The following LMO7 variants were observed in gnomAD, a reference collection of about 807,000 sequenced individuals.
LMO7 encodes the protein LIM domain only protein 7.
LMO7 carries 120 observed loss-of-function variants against 206.5 expected under a neutral mutation model. The ratio of observed to expected loss-of-function variants is 0.58; its 90% CI spans 0.50 to 0.68. The LOEUF is 0.68. LMO7 is among the 30% of genes least tolerant of loss of function. LMO7 has a pLI of 0.00. For synonymous variants in LMO7, 706 were observed against 681.5 expected (o/e 1.04, Z -0.56); for missense variants, 1,959 against 1,957.9 (o/e 1.00, Z -0.01).
At chr13:75,812,955 A>G (rs754058451) in intron 11 of LMO7, among the ~76,000 whole-genome samples, 28 of 152,230 alleles carry the variant, frequency 1.8e-4, no homozygotes, top group Non-Finnish European at 2.9e-4. Context: ...TCCTGATGCT[A>G]TCTTTGGTAC....
intron 7 of LMO7, 141 bp from the exon 8 acceptor site, chr13:75,804,148 G>A (rs2055138034): frequency 1.2e-6 from 1 of 854,768 alleles, no homozygotes; most frequent in Non-Finnish European, 1.8e-6. Context: ...ACAACTTCGT[G>A]ACAAATTTCT....
intron 11 of LMO7, 30 bp from the exon 12 acceptor site, chr13:75,817,131 C>A (rs757300295): frequency 6.6e-7 from 1 of 1,522,056 alleles, no homozygotes; most frequent in Non-Finnish European, 9.1e-7. Flanking sequence ...ATGTGAACTT[C>A]CGTAGTAACC....
chr13:75,686,574 G>C (rs1251322868), intron 1 of LMO7, among the ~76,000 whole-genome samples: 1 of 147,076 alleles, frequency 6.8e-6, no homozygotes, highest in African/African-American at 2.5e-5. Flanking sequence ...AAATATATTG[G>C]AGTTGGCTTT....
intron 1 of LMO7, among the ~76,000 whole-genome samples, chr13:75,652,534 G>A (rs115791471): frequency 6.5e-4 from 98 of 151,896 alleles, no homozygotes; most frequent in African/African-American, 2.2e-3. Flanking sequence ...GTGGGTTATT[G>A]ACTTAAATTC....
At chr13:75,741,285 C>T (rs947191229) in intron 3 of LMO7, among the ~76,000 whole-genome samples, 6 of 152,080 alleles carry the variant, frequency 3.9e-5, no homozygotes, top group East Asian at 1.9e-4. Context: ...ATAACAAAAA[C>T]GGAGTATTTT....
chr13:75,815,333 T>A (rs1206881643), intron 11 of LMO7, among the ~76,000 whole-genome samples: 2 of 152,038 alleles, frequency 1.3e-5, no homozygotes, highest in African/African-American at 4.8e-5. Flanking sequence ...CTAGATATAT[T>A]TAGAAGGCAG....
chr13:75,822,707 C>T (rs1332464237), intron 14 of LMO7, among the ~76,000 whole-genome samples: 1 of 146,278 alleles, frequency 6.8e-6, no homozygotes, highest in Non-Finnish European at 1.5e-5. Context: ...TGCTGAGAAA[C>T]AGATGTTCCT....
chr13:75,731,116 G>T (rs1033081351), intron 3 of LMO7, among the ~76,000 whole-genome samples: 1 of 152,082 alleles, frequency 6.6e-6, no homozygotes, highest in Non-Finnish European at 1.5e-5. Context: ...TTGATTTGGG[G>T]TGGAGAGTTC....
intron 2 of LMO7, among the ~76,000 whole-genome samples, chr13:75,721,624 G>T (rs1400826065): frequency 1.3e-5 from 2 of 152,140 alleles, no homozygotes; most frequent in Admixed American, 6.5e-5. Flanking sequence ...TTCTGTCCAG[G>T]TTGCTGCAAA....
intron 15 of LMO7, 98 bp downstream of exon 15, chr13:75,823,971 T>C: frequency 1.0e-6 from 1 of 983,142 alleles, no homozygotes; most frequent in Non-Finnish European, 1.5e-6. Flanking sequence ...GGTGTTAATC[T>C]GGGCTGAAAA....
At chr13:75,848,844 A>G (rs2060233900) in intron 26 of LMO7, 2 of 438,812 alleles carry the variant, frequency 4.6e-6, no homozygotes, top group Non-Finnish European at 8.3e-6. Flanking sequence ...ACTGATTTCC[A>G]TAGTGGTTGT....
intron 2 of LMO7, among the ~76,000 whole-genome samples, chr13:75,713,504 T>G (rs745678797): frequency 6.6e-6 from 1 of 152,178 alleles, no homozygotes; most frequent in African/African-American, 2.4e-5. Context: ...AGAAAGATTC[T>G]ATTGCATGGT....
At chr13:75,709,000 A>C in intron 1 of LMO7, among the ~76,000 whole-genome samples, 5 of 146,756 alleles carry the variant, frequency 3.4e-5, no homozygotes, top group Non-Finnish European at 4.5e-5. Flanking sequence ...TCCTGTGTCC[A>C]TGTGTTCTCA....
intron 1 of LMO7, among the ~76,000 whole-genome samples, chr13:75,665,049 G>A (rs55829478): frequency 0.012 from 1,814 of 152,160 alleles, 15 homozygotes; most frequent in Middle Eastern, 0.048. Context: ...AATATTGAGG[G>A]TCAGGTGTGT....
chr13:75,821,707 G>C (rs954889750), intron 14 of LMO7, 98 bp downstream of exon 14: 12 of 726,282 alleles, frequency 1.7e-5, no homozygotes, highest in African/African-American at 3.6e-5. Context: ...TGTGTAAACT[G>C]TACATAACAT....
In LMO7 at chr13:75,685,672, A is replaced by G. The variant is rs572126943; in HGVS notation, c.70-27510A>G. On this transcript the variant is annotated intron_variant, in intron 1 of 30. Coordinates refer to ENST00000377534, the MANE Select transcript of LMO7 (RefSeq NM_001306080.2). ...GAGTTTCAGGCTTACCTTTGAATGC[A>G]TAGCTCTCTGAGGCCTGGAATGGTG... 3.3e-5 allele frequency among the ~76,000 whole-genome samples: 5 copies of G among 152,238 alleles called. No individual in the cohort carries two copies. The South Asian group carries it at 1.0e-3, about 32-fold the overall frequency.
At chr13:75,823,500 C>T in intron 14 of LMO7, 65 bp from the exon 15 acceptor site, 1 of 1,227,052 alleles carries the variant, frequency 8.1e-7, no homozygotes, top group Non-Finnish European at 1.1e-6. Context: ...ATTTAATAAA[C>T]AACTTTTAAA....
intron 1 of LMO7, among the ~76,000 whole-genome samples, chr13:75,700,502 AT>A (rs2137893356): frequency 6.6e-6 from 1 of 152,362 alleles, no homozygotes; most frequent in South Asian, 2.1e-4. Context: ...AATACTGTAG[AT>A]CTTAGCAACC....
rs548637275 is a variant in LMO7 at position 75,661,316 on chromosome 13, GAGAGT to G, written c.69+24593_69+24597del. 1.2e-3 allele frequency among the ~76,000 whole-genome samples: 183 copies of G among 152,294 alleles called. 1 individual carries two copies. The highest frequency in any genetic ancestry group is 1.9e-3 in the Non-Finnish European group (126 of 68,020). Reference sequence around the variant, plus strand: ...TTGTCAAGCCCTACTTTTAGACAGAGAGAGTAGTTTCTTGATATTAGAAAGCCAAG... The same window carrying G: ...TTGTCAAGCCCTACTTTTAGACAGAGAGTTTCTTGATATTAGAAAGCCAAG... On this transcript the variant is annotated intron_variant, in intron 1 of 30. Transcript: ENST00000377534.
Sources: allele counts gnomAD v4.1 joint callset (sites outside exome capture counted in the v4.1 genomes callset), GRCh38; gene constraint gnomAD v4.1.1; transcripts MANE v1.5; gene names NCBI Gene and HGNC (gene_info 2026-07-23, HGNC 2026-07-21).